RASGRF2: variants seen among roughly 807,000 people sequenced by gnomAD.
RASGRF2 encodes Ras protein specific guanine nucleotide releasing factor 2.
RASGRF2 carries 76 observed loss-of-function variants against 151.0 expected under a neutral mutation model. The observed-to-expected ratio is 0.50, with a 90% confidence interval of 0.42 to 0.61. The LOEUF (loss-of-function observed/expected upper bound fraction) is 0.61. Ranked by LOEUF, RASGRF2 falls within the 20% of genes least tolerant of loss-of-function variation. RASGRF2 has a pLI of 0.00. For missense variants in RASGRF2, 1,148 were observed against 1,564.6 expected, an observed-to-expected ratio of 0.73 and a Z score of 4.49; for synonymous variants, 504 against 566.5, an observed-to-expected ratio of 0.89 and a Z score of 1.57.
At chr5:81,118,449 C>G (rs1753218884) in intron 15 of RASGRF2, among the ~76,000 whole-genome samples, 2 of 152,302 alleles carry the variant, frequency 1.3e-5, no homozygotes, top group South Asian at 4.1e-4. Flanking sequence ...TGCTGTGGTC[C>G]CTTAGATTCC....
intron 3 of RASGRF2, among the ~76,000 whole-genome samples, chr5:81,069,319 A>T (rs1045415150): frequency 3.3e-5 from 5 of 152,222 alleles, no homozygotes; most frequent in Non-Finnish European, 7.3e-5. Flanking sequence ...TAACTTCCCA[A>T]TTCGACCCTG....
At chr5:81,140,122 C>G (rs1753849279) in intron 17 of RASGRF2, among the ~76,000 whole-genome samples, 1 of 152,100 alleles carries the variant, frequency 6.6e-6, no homozygotes, top group Non-Finnish European at 1.5e-5. Context: ...AGCCACTGTG[C>G]CTGGCTGGAA....
chr5:81,219,657 T>C, intron 25 of RASGRF2, 53 bp from the exon 26 acceptor site: 1 of 1,461,610 alleles, frequency 6.8e-7, no homozygotes, highest in South Asian at 1.1e-5. Context: ...ATGCAGGAAA[T>C]ACCTTTCTTT....
intron 2 of RASGRF2, among the ~76,000 whole-genome samples, chr5:81,065,014 C>G (rs1355113266): frequency 6.6e-6 from 1 of 152,106 alleles, no homozygotes; most frequent in Admixed American, 6.5e-5. Flanking sequence ...AAGAAGGAAG[C>G]TGCTACGAGT....
intron 1 of RASGRF2, among the ~76,000 whole-genome samples, chr5:81,032,249 C>A (rs1161348533): frequency 1.3e-5 from 2 of 152,142 alleles, no homozygotes; most frequent in Admixed American, 6.6e-5. Flanking sequence ...ATTTCTGAAA[C>A]TATTCCAATC....
At chr5:81,193,054 T>C (rs1281815068) in intron 18 of RASGRF2, among the ~76,000 whole-genome samples, 1 of 152,222 alleles carries the variant, frequency 6.6e-6, no homozygotes, top group Non-Finnish European at 1.5e-5. Context: ...GTATTTTCAC[T>C]TTCCTTTTAA....
At chr5:81,221,446 G>A (rs1245412518) in intron 26 of RASGRF2, among the ~76,000 whole-genome samples, 1 of 152,206 alleles carries the variant, frequency 6.6e-6, no homozygotes, top group Non-Finnish European at 1.5e-5. Context: ...TGCTGAAACT[G>A]TTCCAAGCTT....
intron 1 of RASGRF2, among the ~76,000 whole-genome samples, chr5:80,965,217 C>G (rs927964594): frequency 1.3e-5 from 2 of 151,992 alleles, no homozygotes; most frequent in Non-Finnish European, 2.9e-5. Flanking sequence ...GAGCTGCGTG[C>G]GAACTCTGAA....
chr5:80,994,782 G>A (rs1399005228), intron 1 of RASGRF2, among the ~76,000 whole-genome samples: 1 of 152,200 alleles, frequency 6.6e-6, no homozygotes, highest in Non-Finnish European at 1.5e-5. Context: ...GGGAATTACA[G>A]TGGATTTTCC....
chr5:81,039,425 A>G (rs1249612002), intron 1 of RASGRF2, among the ~76,000 whole-genome samples: 1 of 152,192 alleles, frequency 6.6e-6, no homozygotes, highest in East Asian at 1.9e-4. Flanking sequence ...CTATATCAAT[A>G]AAATATTTAA....
intron 17 of RASGRF2, among the ~76,000 whole-genome samples, chr5:81,175,050 G>T (rs1754743626): frequency 6.6e-6 from 1 of 152,238 alleles, no homozygotes. Flanking sequence ...TCTAGTTTTA[G>T]AAATGGACAG....
chr5:81,219,842 C>T (rs1755821151), intron 26 of RASGRF2, 64 bp downstream of exon 26: 7 of 1,324,814 alleles, frequency 5.3e-6, no homozygotes, highest in Non-Finnish European at 7.4e-6. Flanking sequence ...AATTAGAAAA[C>T]AACAGTAAAA....
chr5:81,034,392 G>A (rs895302064), intron 1 of RASGRF2, among the ~76,000 whole-genome samples: 118 of 152,132 alleles, frequency 7.8e-4, no homozygotes, highest in African/African-American at 2.6e-3. Flanking sequence ...ACAGTGTGGC[G>A]ATTCCTCAGG....
chr5:81,130,654 G>A (rs1199688459), intron 17 of RASGRF2, among the ~76,000 whole-genome samples: 1 of 152,166 alleles, frequency 6.6e-6, no homozygotes, highest in African/African-American at 2.4e-5. Context: ...GGTGTTCAAA[G>A]GAAGAGAGTG....
intron 23 of RASGRF2, among the ~76,000 whole-genome samples, chr5:81,214,937 C>T (rs1755701519): frequency 1.3e-5 from 2 of 152,240 alleles, no homozygotes; most frequent in African/African-American, 2.4e-5. Context: ...TAGTAGAGGA[C>T]ATTGCTTAGT....
At chr5:81,153,347 C>T (rs1177304008) in intron 17 of RASGRF2, among the ~76,000 whole-genome samples, 5 of 152,162 alleles carry the variant, frequency 3.3e-5, no homozygotes, top group Non-Finnish European at 7.3e-5. Flanking sequence ...TCACAAGGAT[C>T]TCTAAAAGTG....
rs866462056 is a variant in RASGRF2 at position 81,228,353 on chromosome 5, G to A, written c.*2583G>A. On this transcript the variant is annotated 3_prime_UTR_variant, in exon 27 of 27. Transcript: ENST00000265080. The stretch of plus-strand genomic sequence containing the variant: ...CCTGCACTATTCGTGTGCCAGCTGG[G>A]AGAGGAATGCACATTTTAAAATCCC... 1.3e-5 allele frequency: 2 copies of A among 152,338 alleles called. 1 individual carries two copies. Among genetic ancestry groups the A allele is most frequent in the South Asian group, 4.1e-4 (2 of 4,834 alleles). 9.4% of individuals were successfully genotyped at this position (152,338 alleles called of 1,614,324 possible).
At chr5:80,991,671 T>A (rs1166626094) in intron 1 of RASGRF2, among the ~76,000 whole-genome samples, 2 of 152,208 alleles carry the variant, frequency 1.3e-5, no homozygotes, top group African/African-American at 2.4e-5. Flanking sequence ...TGTACATTTT[T>A]AAAAAACCTT....
chr5:81,086,475 T>C (rs925738597), intron 8 of RASGRF2, among the ~76,000 whole-genome samples: 5 of 152,228 alleles, frequency 3.3e-5, no homozygotes, highest in African/African-American at 1.2e-4. Flanking sequence ...CTTTAGCTTA[T>C]ATGGGATAAA....
Sources: gnomAD v4.1 joint callset for allele counts (sites outside exome capture counted in the v4.1 genomes callset) on GRCh38, gnomAD v4.1.1 for gene constraint, MANE v1.5 for transcripts, NCBI Gene and HGNC (gene_info 2026-07-23, HGNC 2026-07-21) for gene names.